The following XRCC5 variants were observed in gnomAD, a reference collection of about 807,000 sequenced individuals.
The protein encoded by XRCC5 is X-ray repair cross complementing 5, also known as DNA repair protein Ku80.
A neutral mutation model predicts 95.7 loss-of-function variants in XRCC5; 12 were observed. The observed-to-expected ratio is 0.13, with a 90% CI of 0.08 to 0.20. The LOEUF (loss-of-function observed/expected upper bound fraction) is 0.20. XRCC5 is among the 10% of genes least tolerant of loss of function. XRCC5 has a pLI of 1.00. For synonymous variants in XRCC5, 281 were observed against 290.3 expected (o/e 0.97, Z 0.33); for missense variants, 595 against 873.9 (o/e 0.68, Z 4.02).
chr2:216,123,913 T>G (rs1469345587), intron 6 of XRCC5, among the ~76,000 whole-genome samples: 1 of 152,260 alleles, frequency 6.6e-6, no homozygotes, highest in Non-Finnish European at 1.5e-5. Context: ...TTACTGACTA[T>G]GCATTGTTTT....
intron 16 of XRCC5, among the ~76,000 whole-genome samples, chr2:216,166,221 A>G (rs1473683301): frequency 1.3e-5 from 2 of 152,052 alleles, no homozygotes; most frequent in Non-Finnish European, 1.5e-5. Context: ...CCTGGGCTCA[A>G]GTGATTCTAC....
chr2:216,129,912 G>C (rs774255711), intron 8 of XRCC5, among the ~76,000 whole-genome samples: 5 of 152,088 alleles, frequency 3.3e-5, no homozygotes, highest in Non-Finnish European at 7.4e-5. Context: ...TCCTGACCTT[G>C]TGATCCACCT....
chr2:216,193,460 T>C (rs1330867817), intron 18 of XRCC5, among the ~76,000 whole-genome samples: 1 of 152,224 alleles, frequency 6.6e-6, no homozygotes, highest in Non-Finnish European at 1.5e-5. Context: ...TTCAATCTCT[T>C]TCTGTGTGAA....
At chr2:216,192,498 C>T (rs1170243719) in intron 17 of XRCC5, 141 bp from the exon 18 acceptor site, 1 of 482,568 alleles carries the variant, frequency 2.1e-6, no homozygotes, top group Non-Finnish European at 3.6e-6. Context: ...GGAATGCCAG[C>T]TTCCCATGTA....
At chr2:216,121,801 G>A (rs1327602100) in intron 5 of XRCC5, among the ~76,000 whole-genome samples, 1 of 152,102 alleles carries the variant, frequency 6.6e-6, no homozygotes. Context: ...TGAGACCCTG[G>A]GTCTGGACTT....
chr2:216,180,200 C>CG (rs1689357541), intron 16 of XRCC5, among the ~76,000 whole-genome samples: 1 of 152,088 alleles, frequency 6.6e-6, no homozygotes, highest in East Asian at 1.9e-4. Context: ...CCTTGAGTAA[C>CG]GGAGAGGCAT....
chr2:216,149,572 T>G (rs1452315323), intron 14 of XRCC5, among the ~76,000 whole-genome samples: 1 of 151,562 alleles, frequency 6.6e-6, no homozygotes, highest in Non-Finnish European at 1.5e-5. Flanking sequence ...CTATGACACC[T>G]TGCTGAAGTC....
intron 18 of XRCC5, among the ~76,000 whole-genome samples, chr2:216,193,276 T>C (rs1689652938): frequency 6.6e-6 from 1 of 152,232 alleles, no homozygotes; most frequent in Non-Finnish European, 1.5e-5. Flanking sequence ...ATTCTTTCAG[T>C]GTTAGGCTTG....
At chr2:216,136,438 A>G (rs909271471) in intron 10 of XRCC5, among the ~76,000 whole-genome samples, 1 of 152,062 alleles carries the variant, frequency 6.6e-6, no homozygotes, top group South Asian at 2.1e-4. Flanking sequence ...ATCCCCAAGT[A>G]GAATTTTAGA....
chr2:216,143,101 G>C (rs1470102249), intron 13 of XRCC5, among the ~76,000 whole-genome samples: 1 of 152,152 alleles, frequency 6.6e-6, no homozygotes, highest in Non-Finnish European at 1.5e-5. Context: ...CACTGTAAAG[G>C]TTGTCTACCC....
intron 19 of XRCC5, among the ~76,000 whole-genome samples, chr2:216,200,914 T>C (rs1689823195): frequency 6.6e-6 from 1 of 152,236 alleles, no homozygotes; most frequent in Non-Finnish European, 1.5e-5. Flanking sequence ...ATGCTGTGGA[T>C]ATTCTTGTAC....
intron 16 of XRCC5, chr2:216,175,813 T>A: frequency 2.3e-6 from 1 of 439,494 alleles, no homozygotes; most frequent in Non-Finnish European, 4.3e-6. Flanking sequence ...GAATGTTTGC[T>A]TGGGGTTCTG....
At chr2:216,193,626 C>T (rs1689660181) in intron 18 of XRCC5, among the ~76,000 whole-genome samples, 1 of 152,170 alleles carries the variant, frequency 6.6e-6, no homozygotes, top group African/African-American at 2.4e-5. Context: ...AGGGGGCTTA[C>T]TCAAATCACT....
chr2:216,145,827 C>G (rs569377062), intron 13 of XRCC5, among the ~76,000 whole-genome samples: 1 of 152,280 alleles, frequency 6.6e-6, no homozygotes, highest in East Asian at 1.9e-4. Flanking sequence ...ATTGGTTGTT[C>G]TAGCCCTTTT....
chr2:216,131,281 C>G, intron 9 of XRCC5: 1 of 983,104 alleles, frequency 1.0e-6, no homozygotes, highest in African/African-American at 1.7e-5. Context: ...ACCCTCATCC[C>G]TTTGAGGTTC....
At chr2:216,155,236 CAAA>C (rs10674711) in intron 14 of XRCC5, among the ~76,000 whole-genome samples, 2 of 80,460 alleles carry the variant, frequency 2.5e-5, no homozygotes, top group African/African-American at 1.0e-4. Context: ...ACTCCCATCT[CAAA>C]AAAAAAAAAA....
chr2:216,187,821 A>ACACC (rs1312215177), intron 16 of XRCC5, among the ~76,000 whole-genome samples: 1 of 47,950 alleles, frequency 2.1e-5, no homozygotes, highest in African/African-American at 1.0e-4. Context: ...ACACACACAC[A>ACACC]CTCTCTCTCT....
intron 7 of XRCC5, 143 bp downstream of exon 7, chr2:216,126,174 G>T: frequency 1.5e-6 from 1 of 659,856 alleles, no homozygotes. Flanking sequence ...TTTAATCTCT[G>T]TTTAGCTTTT....
At chr2:216,203,787 T>A (rs1411948235) in intron 19 of XRCC5, among the ~76,000 whole-genome samples, 1 of 151,602 alleles carries the variant, frequency 6.6e-6, no homozygotes, top group African/African-American at 2.4e-5. Context: ...ACGTTTCTTA[T>A]GAGAAGTCCC....
Sources: gnomAD v4.1 joint callset for allele counts (sites outside exome capture counted in the v4.1 genomes callset) on GRCh38, gnomAD v4.1.1 for gene constraint, MANE v1.5 for transcripts, NCBI Gene and HGNC (gene_info 2026-07-23, HGNC 2026-07-21) for gene names.